KANK1: variants seen among roughly 807,000 people sequenced by gnomAD.
KANK1 encodes KN motif and ankyrin repeat domain-containing protein 1.
Under a neutral mutation model 106.2 loss-of-function variants are expected in KANK1, and 109 were observed. The ratio of observed to expected loss-of-function variants is 1.03; its 90% CI spans 0.88 to 1.20. The LOEUF is 1.20. Among genes scored for constraint, KANK1 ranks in the 50% most tolerant of loss-of-function variants. The pLI is 0.00. For synonymous variants in KANK1, 873 were observed against 652.2 expected (o/e 1.34, Z -5.16); for missense variants, 2,399 against 1,710.7 (o/e 1.40, Z -7.10).
chr9:628,351 A>G (rs1405038168), intron 1 of KANK1, among the ~76,000 whole-genome samples: 1 of 152,168 alleles, frequency 6.6e-6, no homozygotes, highest in Non-Finnish European at 1.5e-5. Flanking sequence ...CCTTCTTCCT[A>G]ACTTTGGTAT....
intron 1 of KANK1, among the ~76,000 whole-genome samples, chr9:660,671 C>T (rs1470439795): frequency 6.6e-6 from 1 of 152,122 alleles, no homozygotes; most frequent in South Asian, 2.1e-4. Flanking sequence ...TGCAGAGTTC[C>T]CTGCCCTAAG....
intron 1 of KANK1, among the ~76,000 whole-genome samples, chr9:534,759 C>G (rs12338448): frequency 0.029 from 4,351 of 152,200 alleles, 233 homozygotes; most frequent in African/African-American, 0.097. Flanking sequence ...ATGGCTTCTC[C>G]CAGAAACTTG....
chr9:727,417 G>A (rs111859821), intron 3 of KANK1, among the ~76,000 whole-genome samples: 15 of 151,646 alleles, frequency 9.9e-5, no homozygotes, highest in African/African-American at 2.7e-4. Flanking sequence ...CCGGGTTCAA[G>A]TGATTCTCCT....
chr9:742,108 A>G lies in KANK1; in HGVS notation c.3697-97A>G. On this transcript the variant is annotated intron_variant, in intron 9 of 11. Transcript: ENST00000382297. ...CATCGCCAGTTCTTTCCCTTCTGTC[A>G]CCACACTCTTCCCCCTTTCCCTAGC... The G allele has an allele frequency of 5.7e-6, 6 of 1,050,174 alleles. 1 individual carries two copies. Among genetic ancestry groups the G allele is most frequent in the South Asian group, 4.5e-5 (3 of 66,658 alleles). The allele number at this position is 1,050,174 out of a possible 1,614,324, so 65.1% of individuals were successfully genotyped here. A position where few individuals can be genotyped will look rare whatever the true frequency, so the allele number is the denominator to read the frequency against.
upstream of KANK1, among the ~76,000 whole-genome samples, chr9:499,936 T>C (rs1322808602): frequency 6.6e-6 from 1 of 152,206 alleles, no homozygotes; most frequent in African/African-American, 2.4e-5. Flanking sequence ...GGTGAAGAAG[T>C]GGTGAAGAGG....
chr9:663,891 T>C (rs1843948224), intron 1 of KANK1, among the ~76,000 whole-genome samples: 1 of 152,160 alleles, frequency 6.6e-6, no homozygotes, highest in Non-Finnish European at 1.5e-5. Flanking sequence ...TCTAGGAAGG[T>C]TGAACACACT....
chr9:543,874 T>G (rs946009663), intron 1 of KANK1, among the ~76,000 whole-genome samples: 2 of 152,226 alleles, frequency 1.3e-5, no homozygotes, highest in Admixed American at 1.3e-4. Context: ...AATCCAGGGC[T>G]TCTCTATTAG....
chr9:632,541 C>T (rs891102045), intron 1 of KANK1, among the ~76,000 whole-genome samples: 2 of 152,122 alleles, frequency 1.3e-5, no homozygotes, highest in African/African-American at 4.8e-5. Context: ...TAATTTTTTA[C>T]AACTTCTTTC....
intron 9 of KANK1, among the ~76,000 whole-genome samples, chr9:741,513 A>T (rs1192271298): frequency 7.4e-6 from 1 of 135,970 alleles, no homozygotes; most frequent in Non-Finnish European, 1.6e-5. Flanking sequence ...TTTGAGACTA[A>T]GTCTCATTCT....
At chr9:628,434 AGATGTACGTATTTTAATAGTTAACAT>A (rs1257597517) in intron 1 of KANK1, among the ~76,000 whole-genome samples, 1 of 152,204 alleles carries the variant, frequency 6.6e-6, no homozygotes, top group Non-Finnish European at 1.5e-5. Flanking sequence ...TTATATTCAC[AGATGTACGTATTTTAATAGTTAACAT>A]CTGAAATCAG....
At chr9:692,013 C>T (rs1820062342) in intron 2 of KANK1, among the ~76,000 whole-genome samples, 1 of 152,248 alleles carries the variant, frequency 6.6e-6, no homozygotes, top group South Asian at 2.1e-4. Context: ...TATCACAGGG[C>T]AGGCAGGCAA....
At chr9:642,709 C>T (rs904180333) in intron 1 of KANK1, among the ~76,000 whole-genome samples, 1 of 150,094 alleles carries the variant, frequency 6.7e-6, no homozygotes. Flanking sequence ...ATTTGGATTT[C>T]TAGAGGCAAA....
chr9:515,722 C>G (rs943191275), intron 1 of KANK1, among the ~76,000 whole-genome samples: 2 of 151,712 alleles, frequency 1.3e-5, no homozygotes, highest in African/African-American at 4.9e-5. Context: ...TAAAAGAAAA[C>G]TTGAGATCCT....
At chr9:567,617 G>A (rs991893307) in intron 1 of KANK1, among the ~76,000 whole-genome samples, 4 of 152,162 alleles carry the variant, frequency 2.6e-5, no homozygotes, top group Non-Finnish European at 5.9e-5. Flanking sequence ...GAGAACTTTT[G>A]CAGCATTTCT....
chr9:739,990 C>T (rs905912862), intron 8 of KANK1, among the ~76,000 whole-genome samples: 5 of 152,142 alleles, frequency 3.3e-5, no homozygotes, highest in Non-Finnish European at 5.9e-5. Flanking sequence ...TGTTTGGGAT[C>T]TTAAGGTAAA....
At chr9:736,824 G>T (rs1833926210) in intron 7 of KANK1, among the ~76,000 whole-genome samples, 1 of 152,148 alleles carries the variant, frequency 6.6e-6, no homozygotes, top group African/African-American at 2.4e-5. Context: ...TCACTGCAGG[G>T]TCAGTATTTC....
intron 7 of KANK1, among the ~76,000 whole-genome samples, chr9:736,418 T>G (rs1011426773): frequency 5.9e-5 from 9 of 152,066 alleles, no homozygotes; most frequent in African/African-American, 2.2e-4. Context: ...AAATTGCTGG[T>G]CAAGTCCAGG....
chr9:578,778 C>G (rs1821268782), intron 1 of KANK1, among the ~76,000 whole-genome samples: 1 of 152,130 alleles, frequency 6.6e-6, no homozygotes, highest in African/African-American at 2.4e-5. Flanking sequence ...CCTACCAGTT[C>G]TGTCAGAAAA....
At chr9:616,768 A>G (rs1831934979) in intron 1 of KANK1, among the ~76,000 whole-genome samples, 1 of 152,184 alleles carries the variant, frequency 6.6e-6, no homozygotes, top group African/African-American at 2.4e-5. Flanking sequence ...TCAACCTGTG[A>G]TGGAGCAGCC....
Sources: gnomAD v4.1 joint callset for allele counts (sites outside exome capture counted in the v4.1 genomes callset) on GRCh38, gnomAD v4.1.1 for gene constraint, MANE v1.5 for transcripts, NCBI Gene and HGNC (gene_info 2026-07-23, HGNC 2026-07-21) for gene names.